The following TCF4 variants were observed in gnomAD, a reference collection of about 807,000 sequenced individuals.
TCF4 encodes the protein transcription factor 4, also known as SL3-3 enhancer factor 2.
In TCF4, 3 loss-of-function variants were observed where a neutral mutation model predicts 82.1. The ratio of observed to expected loss-of-function variants is 0.04; its 90% CI spans 0.02 to 0.09. The LOEUF is 0.09. Ranked by LOEUF, TCF4 falls within the 10% of genes least tolerant of loss-of-function variation. The pLI is 1.00. For synonymous variants in TCF4, 276 were observed against 309.6 expected, an observed-to-expected ratio of 0.89 and a Z score of 1.14; for missense variants, 518 against 852.7, an observed-to-expected ratio of 0.61 and a Z score of 4.89.
At chr18:55,347,248 T>G (rs917584622) in intron 8 of TCF4, among the ~76,000 whole-genome samples, 1 of 152,160 alleles carries the variant, frequency 6.6e-6, no homozygotes, top group South Asian at 2.1e-4. Context: ...AGCAACATAC[T>G]AAAATACGAA....
chr18:55,291,149 C>T (rs1360785549), intron 8 of TCF4, among the ~76,000 whole-genome samples: 1 of 152,138 alleles, frequency 6.6e-6, no homozygotes, highest in Non-Finnish European at 1.5e-5. Flanking sequence ...TTCCATGAGT[C>T]ACAAGACAGA....
rs1471720409 is a variant in TCF4, at chr18:55,365,213, ATATATGTG to A, written c.370-14218_370-14211del. ...TATATGTGTGTGTGTGTGTGTGTAT[ATATATGTG>A]TGTGTGTGTGTGTATATATATGTGT... is the stretch of plus-strand genomic sequence containing the variant. On this transcript the variant is annotated intron_variant, in intron 6 of 19. Transcript: ENST00000354452. 8.5e-4 allele frequency among the ~76,000 whole-genome samples: 112 copies of A among 132,340 alleles called. 1 individual carries two copies. Among genetic ancestry groups the A allele is most frequent in the African/African-American group, 3.3e-3 (106 of 31,966 alleles). 86.8% of individuals were successfully genotyped at this position (132,340 alleles called of 152,430 possible).
At position 55,443,336 on chromosome 18, in the gene TCF4, T is replaced by C. The variant is rs921180811; in HGVS notation, c.304+17683A>G. ...TCCTGAAAATTTGCCATGAGTCTAA[T>C]TTTCATAGTCTAATATGGGCATTCC... On this transcript the variant is annotated intron_variant, in intron 5 of 19. Transcript: ENST00000354452. 1.6e-4 allele frequency among the ~76,000 whole-genome samples: 24 copies of C among 152,316 alleles called. No individual in the cohort carries two copies. The East Asian group carries it at 2.1e-3, about 13-fold the overall frequency.
chr18:55,283,132 T>A (rs781401835), intron 8 of TCF4, among the ~76,000 whole-genome samples: 1 of 152,050 alleles, frequency 6.6e-6, no homozygotes, highest in African/African-American at 2.4e-5. Flanking sequence ...AATCTCTAGA[T>A]AACACTGAAC....
intron 6 of TCF4, among the ~76,000 whole-genome samples, chr18:55,377,186 A>C (rs1345531750): frequency 6.6e-6 from 1 of 152,198 alleles, no homozygotes; most frequent in East Asian, 1.9e-4. Context: ...TGATGAGGTA[A>C]AATGTAGATA....
At chr18:55,260,164 C>G in intron 12 of TCF4, 137 bp from the exon 13 acceptor site, 1 of 690,058 alleles carries the variant, frequency 1.4e-6, no homozygotes, top group East Asian at 2.6e-5. Flanking sequence ...ACTACAGTAC[C>G]AAAATTGTCA....
intron 3 of TCF4, among the ~76,000 whole-genome samples, chr18:55,505,033 A>T (rs1237152156): frequency 6.6e-6 from 1 of 152,186 alleles, no homozygotes; most frequent in East Asian, 1.9e-4. Flanking sequence ...CTGTCCTATA[A>T]ATGTGAACAA....
At chr18:55,282,304 C>A (rs1157495172) in intron 8 of TCF4, among the ~76,000 whole-genome samples, 1 of 151,980 alleles carries the variant, frequency 6.6e-6, no homozygotes, top group Non-Finnish European at 1.5e-5. Flanking sequence ...AGAAACATCA[C>A]TCTTATTTTT....
intron 3 of TCF4, among the ~76,000 whole-genome samples, chr18:55,540,966 C>T (rs1057168227): frequency 2.6e-5 from 4 of 151,986 alleles, no homozygotes; most frequent in Admixed American, 6.6e-5. Context: ...AATAAGACTT[C>T]AGCCATTGCT....
At chr18:55,447,291 C>T (rs1005412020) in intron 5 of TCF4, among the ~76,000 whole-genome samples, 2 of 49,208 alleles carry the variant, frequency 4.1e-5, no homozygotes, top group Non-Finnish European at 9.5e-5. Flanking sequence ...GGGGTGAGAC[C>T]GTCTCAAAAA....
At chr18:55,388,223 C>G (rs1368345543) in intron 6 of TCF4, among the ~76,000 whole-genome samples, 1 of 152,218 alleles carries the variant, frequency 6.6e-6, no homozygotes, top group African/African-American at 2.4e-5. Flanking sequence ...CTTCCCAGTT[C>G]TCCCCATCCT....
At chr18:55,595,944 A>C (rs1603625118) in intron 2 of TCF4, among the ~76,000 whole-genome samples, 1 of 152,132 alleles carries the variant, frequency 6.6e-6, no homozygotes, top group South Asian at 2.1e-4. Context: ...AAAAATCAGC[A>C]TATGCAGGCC....
At chr18:55,585,922 G>T (rs1360429849) in intron 2 of TCF4, 1 of 1,240,488 alleles carries the variant, frequency 8.1e-7, no homozygotes, top group South Asian at 1.9e-5. Flanking sequence ...CATTTATTTC[G>T]ACCCTAATTG....
At chr18:55,398,661 A>G (rs17594721) in intron 6 of TCF4, among the ~76,000 whole-genome samples, 9,444 of 152,252 alleles carry the variant, frequency 0.062, 507 homozygotes, top group African/African-American at 0.14. Flanking sequence ...CATGAAAAAG[A>G]TGCTCACAAT....
At chr18:55,238,330 GAAGA>G (rs775869984) in intron 15 of TCF4, among the ~76,000 whole-genome samples, 3 of 152,326 alleles carry the variant, frequency 2.0e-5, no homozygotes, top group Middle Eastern at 3.4e-3. Flanking sequence ...GCTAAAAATA[GAAGA>G]TAGAAGTGAA....
chr18:55,235,579 G>A (rs1235621980), intron 15 of TCF4, among the ~76,000 whole-genome samples: 4 of 152,056 alleles, frequency 2.6e-5, no homozygotes, highest in Non-Finnish European at 5.9e-5. Context: ...CGACTCTGGG[G>A]TCCAGAGACA....
chr18:55,231,324 G>A (rs914855542), intron 17 of TCF4: 5 of 152,162 alleles, frequency 3.3e-5, no homozygotes, highest in Non-Finnish European at 7.4e-5. Flanking sequence ...TCAGGCTAAC[G>A]ACCAATTAGA....
At position 55,254,717 on chromosome 18, in the gene TCF4, G is replaced by T. The variant is rs375777217; in HGVS notation, c.1147-17C>A. 2.4e-5 allele frequency: 39 copies of T among 1,595,082 alleles called. No individual in the cohort carries two copies. The highest frequency in any genetic ancestry group is 2.1e-4 in the African/African-American group (16 of 74,754). ...TCGGCTTTGCTGTTGGTTAACAAAT[G>T]ATGTAAAATTTGATTTAGTTCAAAA... On this transcript the variant is annotated splice_polypyrimidine_tract_variant and intron_variant, in intron 14 of 19. Transcript: ENST00000354452.
intron 8 of TCF4, among the ~76,000 whole-genome samples, chr18:55,312,103 G>C (rs1474996591): frequency 6.6e-6 from 1 of 152,112 alleles, no homozygotes; most frequent in African/African-American, 2.4e-5. Flanking sequence ...TTCCACATCA[G>C]GCCAGCCATA....
Sources: allele counts gnomAD v4.1 joint callset (sites outside exome capture counted in the v4.1 genomes callset), GRCh38; gene constraint gnomAD v4.1.1; transcripts MANE v1.5; gene names NCBI Gene and HGNC (gene_info 2026-07-23, HGNC 2026-07-21).